Variants in PPP2R5B observed in about 807,000 individuals in gnomAD.
The protein encoded by PPP2R5B is serine/threonine-protein phosphatase 2A 56 kDa regulatory subunit beta isoform.
PPP2R5B carries 19 observed loss-of-function variants against 59.9 expected under a neutral mutation model. That is an observed-to-expected ratio of 0.32 (90% CI 0.22 to 0.47). The LOEUF is 0.47. PPP2R5B is among the 20% of genes least tolerant of loss of function. The pLI, the probability that PPP2R5B is intolerant of heterozygous loss-of-function variation, is 1.00. For synonymous variants in PPP2R5B, 286 were observed against 260.5 expected (o/e 1.10, Z -0.94); for missense variants, 441 against 640.2 (o/e 0.69, Z 3.36).
At chr11:64,926,986 C>G (rs1287922977) in intron 3 of PPP2R5B, 78 bp downstream of exon 3, 1 of 1,499,070 alleles carries the variant, frequency 6.7e-7, no homozygotes, top group African/African-American at 1.4e-5. Context: ...AGGACCCCTG[C>G]GTGGAGAATA....
upstream of PPP2R5B, among the ~76,000 whole-genome samples, chr11:64,921,741 G>A (rs1319339744): frequency 6.6e-6 from 1 of 152,220 alleles, no homozygotes; most frequent in African/African-American, 2.4e-5. Flanking sequence ...TAGCTCAGGG[G>A]CAGCCAGGAG....
chr11:64,920,462 C>T (rs1268576663), upstream of PPP2R5B, among the ~76,000 whole-genome samples: 1 of 152,182 alleles, frequency 6.6e-6, no homozygotes, highest in African/African-American at 2.4e-5. Flanking sequence ...AGAAAACCAA[C>T]TCCAGAGACA....
Position 64,933,199 on chromosome 11 carries a change from G to T in PPP2R5B, c.1299G>T (p.Gly433=), listed in dbSNP as rs1399943102. 2 of 1,613,540 alleles carry T rather than the reference G, an allele frequency of 1.2e-6. No homozygotes were observed. The highest frequency in any genetic ancestry group is 8.5e-7 in the Non-Finnish European group (1 of 1,179,606). Residue 433 remains glycine (G), a synonymous_variant, in exon 13 of 14, where the codon GGG becomes GGT. Coordinates refer to ENST00000164133, the MANE Select transcript of PPP2R5B (RefSeq NM_006244.4). ...TCAAGACCTTCATGGAGATGAATGGGAAGCTGTTTGATGAGCTCACAGCCT... is the reference window on the plus strand; with the variant it reads ...TCAAGACCTTCATGGAGATGAATGGTAAGCTGTTTGATGAGCTCACAGCCT... ...NVLKTFMEMN[G]KLFDELTASY...
Position 64,925,831 on chromosome 11 carries a change from C to G in PPP2R5B, c.97C>G (p.Arg33Gly). 1 of 1,609,564 alleles carries G rather than the reference C, an allele frequency of 6.2e-7. No individual in the cohort carries two copies. The highest frequency in any genetic ancestry group is 2.2e-5 in the East Asian group (1 of 44,828). The change falls in exon 2 of 14, where the codon CGC becomes GGC. Residue 33 changes from arginine (R) to glycine (G), a missense_variant. Coordinates refer to ENST00000164133, the MANE Select transcript of PPP2R5B (RefSeq NM_006244.4). This position sits in a 1 kb window ranked among gnomAD's most constrained non-coding sequence, Gnocchi z 4.6. ...PPPDKVDGFS[R>G]RSLRRARPRR... The stretch of plus-strand genomic sequence containing the variant: ...ACCCGACAAGGTGGACGGCTTCTCC[C>G]GCCGTTCCCTCCGCAGAGCCCGGCC...
At position 64,927,919 on chromosome 11, in the gene PPP2R5B, G is replaced by A. The variant is rs1945185963; in HGVS notation, c.498+16G>A. On this transcript the variant is annotated intron_variant, in intron 4 of 13. Coordinates refer to ENST00000164133, the MANE Select transcript of PPP2R5B (RefSeq NM_006244.4). Reference sequence around the variant, plus strand: ...ACACCTGCAGGTCTGAAGGGTTGGGGAAGACAGAGATCCAAGTTTCAGAAG... The same window carrying A: ...ACACCTGCAGGTCTGAAGGGTTGGGAAAGACAGAGATCCAAGTTTCAGAAG... 6.3e-7 allele frequency: 1 copy of A among 1,584,248 alleles called. No homozygotes were observed. Among genetic ancestry groups the A allele is most frequent in the Non-Finnish European group, 8.7e-7 (1 of 1,153,024 alleles).
intron 1 of PPP2R5B, among the ~76,000 whole-genome samples, chr11:64,918,826 T>C (rs189810339): frequency 4.6e-5 from 7 of 152,268 alleles, no homozygotes; most frequent in African/African-American, 1.7e-4. Context: ...AGCTGGACTC[T>C]TACATTCTAA....
Position 64,925,546 on chromosome 11 carries a change from A to C in PPP2R5B, c.-189A>C, listed in dbSNP as rs1590675354. ...TGAGGCCTGAGCCATCCTCCTTTCT[A>C]CCCTGTCTGCCCCCCAGGACTGGGC... is the stretch of plus-strand genomic sequence containing the variant. On this transcript the variant is annotated 5_prime_UTR_variant, in exon 2 of 14. Coordinates refer to ENST00000164133, the MANE Select transcript of PPP2R5B (RefSeq NM_006244.4). The surrounding 1 kb of genome is among the most constrained non-coding windows in gnomAD (Gnocchi z 4.6). The C allele has an allele frequency of 1.8e-6, 1 of 568,732 alleles. No individual in the cohort carries two copies. The highest frequency in any genetic ancestry group is 3.1e-6 in the Non-Finnish European group (1 of 319,732). 35.2% of individuals were successfully genotyped at this position (568,732 alleles called of 1,614,324 possible).
rs1176554339 is a variant in PPP2R5B at position 64,926,664 on chromosome 11, C to CAGCTGGGGG, written c.200-39_200-31dup. ...GGGTCTGCCCCACCCACAGCTGGGG[C>CAGCTGGGGG]AGCTGGGGGAGCTGGGGCCCAGGCC... On this transcript the variant is annotated intron_variant, in intron 2 of 13. Transcript: ENST00000164133. The CAGCTGGGGG allele has an allele frequency of 7.5e-6, 12 of 1,598,544 alleles. No individual in the cohort carries two copies. In the South Asian group the frequency reaches 1.3e-4, roughly 18 times the overall value.
chr11:64,917,847 C>T (rs1162053562), intron 1 of PPP2R5B, among the ~76,000 whole-genome samples: 2 of 152,144 alleles, frequency 1.3e-5, no homozygotes, highest in African/African-American at 2.4e-5. Context: ...TTCCCCTCCT[C>T]ACCCCGGAAT....
At chr11:64,922,304 C>T (rs772681093), upstream of PPP2R5B, among the ~76,000 whole-genome samples, 10 of 139,222 alleles carry the variant, frequency 7.2e-5, no homozygotes, top group Middle Eastern at 3.3e-3. Context: ...CGCAACATGG[C>T]GAAACCCTGT....
At position 64,930,685 on chromosome 11, in the gene PPP2R5B, A is replaced by C. The variant is rs551867933; in HGVS notation, c.891+96A>C. 3.3e-4 allele frequency: 341 copies of C among 1,027,228 alleles called. 3 individuals carry two copies. In the South Asian group the frequency reaches 3.7e-3, roughly 11 times the overall value. The allele number at this position is 1,027,228 out of a possible 1,614,324, so 63.6% of individuals were successfully genotyped here. A position where few individuals can be genotyped will look rare whatever the true frequency, so the allele number is the denominator to read the frequency against. On this transcript the variant is annotated intron_variant, in intron 8 of 13. Coordinates refer to ENST00000164133, the MANE Select transcript of PPP2R5B (RefSeq NM_006244.4). ...TCAGATCCTCCAGGGATCCTATCTC[A>C]CCTTCTTTGTCTTTATAATTCTGTT... is the stretch of plus-strand genomic sequence containing the variant.
Position 64,931,489 on chromosome 11 carries a change from C to T in PPP2R5B, c.945C>T (p.His315=), listed in dbSNP as rs139176991. 160 of 1,614,086 alleles carry T rather than the reference C, an allele frequency of 9.9e-5. No homozygotes were observed. In the East Asian group the frequency reaches 1.2e-3, roughly 13 times the overall value. Residue 315 remains histidine, a splice_region_variant and synonymous_variant, in exon 9 of 14, where the codon CAC becomes CAT. Coordinates refer to ENST00000164133, the MANE Select transcript of PPP2R5B (RefSeq NM_006244.4). This position sits in a 1 kb window ranked among gnomAD's most constrained non-coding sequence, Gnocchi z 5.0. The part of the protein sequence containing the change: ...FLEKDATLTE[H]VIRGLLKYWP... Reference sequence around the variant, plus strand: ...AGAAGGATGCCACTCTGACAGAGCACGTGAGTACCTCTGGGGGCTAAGGCA... The same window carrying T: ...AGAAGGATGCCACTCTGACAGAGCATGTGAGTACCTCTGGGGGCTAAGGCA...
At chr11:64,921,815 C>T (rs1234736471), upstream of PPP2R5B, among the ~76,000 whole-genome samples, 2 of 152,214 alleles carry the variant, frequency 1.3e-5, no homozygotes, top group Non-Finnish European at 2.9e-5. Flanking sequence ...GGAACTTCAT[C>T]TATAAATACA....
Position 64,925,616 on chromosome 11 carries a change from C to G in PPP2R5B, c.-119C>G, listed in dbSNP as rs563266633. The G allele has an allele frequency of 2.3e-3, 1,204 of 530,112 alleles. 33 individuals are homozygous for G. The African/African-American group carries it at 0.027, about 12-fold the overall frequency. 32.8% of individuals were successfully genotyped at this position (530,112 alleles called of 1,614,324 possible). A position where few individuals can be genotyped will look rare whatever the true frequency, so the allele number is the denominator to read the frequency against. On this transcript the variant is annotated 5_prime_UTR_variant, in exon 2 of 14. Transcript: ENST00000164133. This position sits in a 1 kb window ranked among gnomAD's most constrained non-coding sequence, Gnocchi z 4.6. The stretch of plus-strand genomic sequence containing the variant: ...GGGGGGCCCAGGACTGTGGTTGTGC[C>G]CCCCCCCCAAAGGCCGGACAGGATG...
intron 2 of PPP2R5B, among the ~76,000 whole-genome samples, chr11:64,926,147 G>A (rs933122889): frequency 3.9e-5 from 6 of 152,240 alleles, no homozygotes; most frequent in Admixed American, 2.6e-4. Flanking sequence ...TGGGACATCC[G>A]AAGGTGGTGC....
rs1268622954 is a variant in PPP2R5B, at chr11:64,926,815, G to A, written c.303G>A (p.Glu101=). Residue 101 remains glutamate, a synonymous_variant, in exon 3 of 14, where the codon GAG becomes GAA. Transcript: ENST00000164133. The part of the protein sequence containing the change: ...LDCVADLKGK[E]VKRAALNELV... ...GTGTGGCCGACCTCAAGGGGAAGGA[G>A]GTGAAGCGGGCAGCCCTCAACGAGC... 1 of 1,614,228 alleles carries A rather than the reference G, an allele frequency of 6.2e-7. No homozygotes were observed. The highest frequency in any genetic ancestry group is 8.5e-7 in the Non-Finnish European group (1 of 1,180,036).
chr11:64,932,776 G>C lies in PPP2R5B; in HGVS notation c.1128G>C (p.Arg376=). The change falls in exon 12 of 14, where the codon CGG becomes CGC. Residue 376 remains arginine (R), a synonymous_variant. Transcript: ENST00000164133. ...CTTGTCTGCCCCAGGTTGCAGAGCG[G>C]GCTCTGTATTTCTGGAACAATGAGT... ...VSSPHFQVAE[R]ALYFWNNEYI... 6.2e-7 allele frequency: 1 copy of C among 1,613,828 alleles called. No individual in the cohort carries two copies. Among genetic ancestry groups the C allele is most frequent in the East Asian group, 2.2e-5 (1 of 44,880 alleles).
intron 3 of PPP2R5B, 120 bp downstream of exon 3, chr11:64,927,028 C>T (rs944648708): frequency 2.8e-5 from 34 of 1,233,106 alleles, no homozygotes; most frequent in Admixed American, 2.6e-4. Context: ...CCTCAGTCCA[C>T]GTCTTCCTTC....
chr11:64,927,146 C>T (rs531165370), intron 3 of PPP2R5B, among the ~76,000 whole-genome samples: 1 of 152,348 alleles, frequency 6.6e-6, no homozygotes, highest in South Asian at 2.1e-4. Flanking sequence ...CCCCACACCC[C>T]ATACCATCCA....
Sources: allele counts gnomAD v4.1 joint callset (sites outside exome capture counted in the v4.1 genomes callset), GRCh38; gene constraint gnomAD v4.1.1; non-coding constraint Gnocchi (gnomAD v3.1); transcripts MANE v1.5; gene names NCBI Gene and HGNC (gene_info 2026-07-23, HGNC 2026-07-21).